The following CFAP47 variants were observed in gnomAD, a reference collection of about 807,000 sequenced individuals.
CFAP47 encodes cilia and flagella associated protein 47.
A neutral mutation model predicts 148.1 loss-of-function variants in CFAP47; 29 were observed. That is an observed-to-expected ratio of 0.20 (90% confidence interval 0.15 to 0.27). The LOEUF is 0.27. CFAP47 is among the 10% of genes least tolerant of loss of function. The probability of loss-of-function intolerance (pLI) is 1.00; values close to 1 mark genes in which losing one functional copy is unlikely to be tolerated. For synonymous variants in CFAP47, 664 were observed against 577.3 expected, an observed-to-expected ratio of 1.15 and a Z score of -2.15; for missense variants, 1,872 against 1,697.5, an observed-to-expected ratio of 1.10 and a Z score of -1.81.
chrX:36,196,304 G>A (rs782305096), intron 42 of CFAP47, among the ~76,000 whole-genome samples: 43 of 111,224 alleles, frequency 3.9e-4, no homozygotes, highest in Non-Finnish European at 6.0e-4. Flanking sequence ...TTAACATTTC[G>A]AATTTTAGCT....
intron 46 of CFAP47, among the ~76,000 whole-genome samples, chrX:36,234,208 G>A (rs1555993455): frequency 1.8e-5 from 2 of 110,413 alleles, no homozygotes; most frequent in African/African-American, 6.6e-5. Context: ...CCTGCAGAGT[G>A]TTTTCCAACT....
chrX:36,045,808 T>A (rs1218013820), intron 25 of CFAP47, among the ~76,000 whole-genome samples: 1 of 111,936 alleles, frequency 8.9e-6, no homozygotes, highest in Non-Finnish European at 1.9e-5. Flanking sequence ...GGAATTAATG[T>A]ATAAAGGTAT....
Position 36,121,846 on chromosome X carries a change from T to C in CFAP47, c.5321-16112T>C, listed in dbSNP as rs750270222. Among the ~76,000 whole-genome samples the C allele has an allele frequency of 5.4e-5, 6 of 111,838 alleles. No homozygotes were observed. In the Admixed American group the frequency reaches 5.7e-4, roughly 11 times the overall value. ...TTACAATGTTATTATACTCTGCATT[T>C]TTCTGTATGCTTATTATTACTAATT... On this transcript the variant is annotated intron_variant, in intron 33 of 63. Coordinates refer to ENST00000378653, the MANE Select transcript of CFAP47 (RefSeq NM_001304548.2).
Position 36,236,326 on chromosome X carries a change from A to C in CFAP47, c.7158+249A>C, listed in dbSNP as rs782648987. Among the ~76,000 whole-genome samples the C allele has an allele frequency of 1.3e-4, 15 of 112,392 alleles. No individual in the cohort carries two copies. In the South Asian group the frequency reaches 3.7e-3, roughly 27 times the overall value. ...AAATTAATTTTGTACAACATGCTGAACAAAGTAAGATAATTACTTTTCCTT... is the reference window on the plus strand; with the variant it reads ...AAATTAATTTTGTACAACATGCTGACCAAAGTAAGATAATTACTTTTCCTT... On this transcript the variant is annotated intron_variant, in intron 47 of 63. Transcript: ENST00000378653.
chrX:36,029,387 G>A (rs149883705), intron 22 of CFAP47, among the ~76,000 whole-genome samples: 1 of 110,159 alleles, frequency 9.1e-6, no homozygotes, highest in South Asian at 3.7e-4. Context: ...ATTTCATTTA[G>A]CTCTGCTCTG....
chrX:36,296,274 G>A, intron 51 of CFAP47, among the ~76,000 whole-genome samples: 2 of 111,965 alleles, frequency 1.8e-5, no homozygotes, highest in Middle Eastern at 4.6e-3. Context: ...TGTTAGATAG[G>A]TTGTAGTTTA....
At chrX:36,309,867 T>C (rs1941379461) in intron 55 of CFAP47, among the ~76,000 whole-genome samples, 1 of 111,399 alleles carries the variant, frequency 9.0e-6, no homozygotes, top group Admixed American at 9.6e-5. Flanking sequence ...TTAATTTGTA[T>C]TATGCTAGTC....
At chrX:35,945,778 C>T (rs146465623) in intron 3 of CFAP47, among the ~76,000 whole-genome samples, 1,894 of 110,915 alleles carry the variant, frequency 0.017, 19 homozygotes, top group Non-Finnish European at 0.026. Context: ...GTTTATTTCC[C>T]ACACATTAGC....
chrX:36,171,349 G>A (rs900620214), intron 39 of CFAP47, among the ~76,000 whole-genome samples: 127 of 111,229 alleles, frequency 1.1e-3, no homozygotes, highest in Admixed American at 1.8e-3. Context: ...TGCTTTTGGT[G>A]TTTTAGACAT....
At chrX:36,098,432 T>G (rs1017859919) in intron 30 of CFAP47, among the ~76,000 whole-genome samples, 1 of 111,656 alleles carries the variant, frequency 9.0e-6, no homozygotes, top group Non-Finnish European at 1.9e-5. Context: ...CAAGCCTATA[T>G]CTTTCCTTTA....
chrX:36,143,134 A>G (rs1026585869), intron 35 of CFAP47, among the ~76,000 whole-genome samples: 1 of 112,427 alleles, frequency 8.9e-6, no homozygotes, highest in African/African-American at 3.2e-5. Flanking sequence ...GTCCTGGTAT[A>G]TTTCCAAGGC....
Position 36,099,910 on chromosome X carries a change from C to G in CFAP47, c.5127+31C>G, listed in dbSNP as rs767575824. On this transcript the variant is annotated intron_variant, in intron 32 of 63. Coordinates refer to ENST00000378653, the MANE Select transcript of CFAP47 (RefSeq NM_001304548.2). ...ATTTCCATTATTGTTCGCTGCTTCT[C>G]TGTTGATTAATATGAATCATATGTT... The G allele has an allele frequency of 6.5e-6, 5 of 774,605 alleles. No homozygotes were observed. The South Asian group carries it at 9.6e-5, about 15-fold the overall frequency. The allele number at this position is 774,605 out of a possible 1,213,427, so 63.8% of individuals were successfully genotyped here.
intron 29 of CFAP47, among the ~76,000 whole-genome samples, chrX:36,076,145 A>G (rs1311710644): frequency 1.8e-5 from 2 of 110,168 alleles, no homozygotes; most frequent in African/African-American, 3.3e-5. Context: ...CATTCCTACC[A>G]ATAGTATTTA....
intron 32 of CFAP47, 38 bp from the exon 33 acceptor site, chrX:36,104,446 AATTTGCTATTTTTCC>A (rs1306969762): frequency 6.7e-6 from 3 of 449,569 alleles, no homozygotes; most frequent in Non-Finnish European, 1.1e-5. Flanking sequence ...TTCAAATATT[AATTTGCTATTTTTCC>A]ATTTGCATCT....
chrX:36,342,318 C>T (rs1941660597), intron 57 of CFAP47, among the ~76,000 whole-genome samples: 2 of 111,740 alleles, frequency 1.8e-5, no homozygotes, highest in African/African-American at 6.5e-5. Flanking sequence ...TTCAAATATC[C>T]CTAAACTGAT....
intron 56 of CFAP47, among the ~76,000 whole-genome samples, chrX:36,317,407 GT>G (rs369511903): frequency 0.027 from 2,891 of 105,481 alleles, 81 homozygotes; most frequent in African/African-American, 0.093. Context: ...TAAGTTTTGT[GT>G]TTTTTTTTTC....
chrX:36,157,528 T>C (rs763733917), intron 37 of CFAP47, among the ~76,000 whole-genome samples: 1 of 111,761 alleles, frequency 8.9e-6, no homozygotes, highest in Non-Finnish European at 1.9e-5. Context: ...TTCCACCTAA[T>C]ATATCACTTT....
chrX:36,128,723 A>G (rs935423372), intron 33 of CFAP47, among the ~76,000 whole-genome samples: 1 of 110,035 alleles, frequency 9.1e-6, no homozygotes, highest in Non-Finnish European at 1.9e-5. Context: ...TTTTCTAGGA[A>G]TTTTATGATG....
In CFAP47 at chrX:36,071,847, G is replaced by A; in HGVS notation, c.4341G>A (p.Lys1447=). ...TAGATAAGGATGAATATCTTAAGAA[G>A]ACTAGAGATGGTGTTTTGCCTCCCT... is the stretch of plus-strand genomic sequence containing the variant. ...LKNDKDEYLK[K]TRDGVLPPYQ... is the part of the protein sequence containing the mutation. The change falls in exon 28 of 64, where the codon AAG becomes AAA. Residue 1447 remains lysine, a synonymous_variant. Coordinates refer to ENST00000378653, the MANE Select transcript of CFAP47 (RefSeq NM_001304548.2). 8.3e-7 allele frequency: 1 copy of A among 1,207,083 alleles called. No homozygotes were observed. The highest frequency in any genetic ancestry group is 1.8e-5 in the South Asian group (1 of 56,369).
Sources: gnomAD v4.1 joint callset for allele counts (sites outside exome capture counted in the v4.1 genomes callset) on GRCh38, gnomAD v4.1.1 for gene constraint, MANE v1.5 for transcripts, NCBI Gene and HGNC (gene_info 2026-07-23, HGNC 2026-07-21) for gene names.